Variants in ARHGEF10L observed in about 807,000 individuals in gnomAD.
The protein encoded by ARHGEF10L is Rho guanine nucleotide exchange factor 10 like, also known as rho guanine nucleotide exchange factor 10-like protein.
Under a neutral mutation model 141.2 loss-of-function variants are expected in ARHGEF10L, and 69 were observed. The observed-to-expected ratio is 0.49, with a 90% confidence interval of 0.40 to 0.60. The LOEUF (loss-of-function observed/expected upper bound fraction) is 0.60, where lower values mean the gene tolerates loss of function less well. ARHGEF10L is among the 20% of genes least tolerant of loss of function. The pLI, the probability that ARHGEF10L is intolerant of heterozygous loss-of-function variation, is 0.00. For synonymous variants in ARHGEF10L, 711 were observed against 718.5 expected (o/e 0.99, Z 0.17); for missense variants, 1,482 against 1,734.3 (o/e 0.85, Z 2.58).
intron 23 of ARHGEF10L, among the ~76,000 whole-genome samples, chr1:17,655,358 A>G (rs918510263): frequency 5.9e-5 from 9 of 151,708 alleles, no homozygotes; most frequent in Non-Finnish European, 1.2e-4. Flanking sequence ...CCATCCATTT[A>G]TTTATCTGTC....
At chr1:17,695,307 A>AAAGTTG (rs1378748370) in intron 28 of ARHGEF10L, 27 bp downstream of exon 28, 1 of 1,553,104 alleles carries the variant, frequency 6.4e-7, no homozygotes, top group African/African-American at 1.4e-5. Flanking sequence ...TGGTGTTGGC[A>AAAGTTG]GGACCAGGGG....
chr1:17,582,097 T>C (rs1051396841), intron 2 of ARHGEF10L, among the ~76,000 whole-genome samples: 3 of 152,080 alleles, frequency 2.0e-5, no homozygotes, highest in African/African-American at 7.2e-5. Flanking sequence ...GGGATGGGCC[T>C]CCTGAGTTTT....
At chr1:17,653,873 G>A (rs557350432) in intron 22 of ARHGEF10L, among the ~76,000 whole-genome samples, 3 of 152,336 alleles carry the variant, frequency 2.0e-5, no homozygotes, top group East Asian at 3.9e-4. Context: ...TAGGGCCCTC[G>A]CCCATGGCCA....
chr1:17,674,591 T>C lies in ARHGEF10L; in HGVS notation c.3009+9996T>C, dbSNP rs1317507088. Among the ~76,000 whole-genome samples, 5 of 152,188 alleles carry C rather than the reference T, an allele frequency of 3.3e-5. No homozygotes were observed. The East Asian group carries it at 9.6e-4, about 29-fold the overall frequency. On this transcript the variant is annotated intron_variant, in intron 26 of 28. Transcript: ENST00000361221. Reference sequence around the variant, plus strand: ...TGGGCCAGGCTCTCTGGAGGGCATTTAGCGGGAGGGCCCCTGAGAAGCGTG... The same window carrying C: ...TGGGCCAGGCTCTCTGGAGGGCATTCAGCGGGAGGGCCCCTGAGAAGCGTG...
At chr1:17,646,024 G>A (rs982683143) in intron 21 of ARHGEF10L, among the ~76,000 whole-genome samples, 1 of 152,192 alleles carries the variant, frequency 6.6e-6, no homozygotes, top group Non-Finnish European at 1.5e-5. Context: ...TGTTTCCAGG[G>A]CCCAGCAGGG....
In ARHGEF10L at chr1:17,654,891, G is replaced by A. The variant is rs1187050034; in HGVS notation, c.2481+169G>A. ...GGTGCCAGGCACTGCATTTGGAGTT[G>A]GGAGGTGCAACCTCATCTGGGGCAA... On this transcript the variant is annotated intron_variant, in intron 23 of 28. Transcript: ENST00000361221. This position sits in a 1 kb window ranked among gnomAD's most constrained non-coding sequence, Gnocchi z 4.3. 1.3e-5 allele frequency among the ~76,000 whole-genome samples: 2 copies of A among 152,190 alleles called. No homozygotes were observed. Among genetic ancestry groups the A allele is most frequent in the African/African-American group, 4.8e-5 (2 of 41,440 alleles).
intron 16 of ARHGEF10L, 38 bp from the exon 17 acceptor site, chr1:17,634,510 A>G (rs1557883930): frequency 6.2e-7 from 1 of 1,614,112 alleles, no homozygotes; most frequent in Non-Finnish European, 8.5e-7. Flanking sequence ...ACTCCATTGT[A>G]ATAACAATCT....
At position 17,623,939 on chromosome 1, in the gene ARHGEF10L, C is replaced by G. The variant is rs549556904; in HGVS notation, c.1201-448C>G. 3.9e-5 allele frequency among the ~76,000 whole-genome samples: 6 copies of G among 152,318 alleles called. No homozygotes were observed. The highest frequency in any genetic ancestry group is 1.4e-4 in the African/African-American group (6 of 41,572). ...GATTGACTCCAGGCCGACCATCCCT[C>G]CCTTGGTAACTCAACTCTGGGCACG... On this transcript the variant is annotated intron_variant, in intron 12 of 28. Transcript: ENST00000361221. This position sits in a 1 kb window ranked among gnomAD's most constrained non-coding sequence, Gnocchi z 4.7.
chr1:17,649,418 TAGG>T (rs2061783341), intron 22 of ARHGEF10L, among the ~76,000 whole-genome samples: 1 of 152,156 alleles, frequency 6.6e-6, no homozygotes, highest in African/African-American at 2.4e-5. Context: ...GCTCCAGGGA[TAGG>T]AGCACCAGTT....
the ARHGEF10L span, among the ~76,000 whole-genome samples, chr1:17,513,592 G>T: frequency 6.6e-6 from 1 of 152,178 alleles, no homozygotes; most frequent in African/African-American, 2.4e-5. Flanking sequence ...GGAGGGTAGA[G>T]AAAGGTTTTC....
At chr1:17,596,249 G>A (rs2080088916) in intron 4 of ARHGEF10L, among the ~76,000 whole-genome samples, 1 of 152,256 alleles carries the variant, frequency 6.6e-6, no homozygotes, top group Non-Finnish European at 1.5e-5. Flanking sequence ...TGTACAACCA[G>A]GTCAAGTGGC....
chr1:17,612,041 T>C (rs1264246827), intron 7 of ARHGEF10L, among the ~76,000 whole-genome samples: 1 of 151,976 alleles, frequency 6.6e-6, no homozygotes, highest in Non-Finnish European at 1.5e-5. Flanking sequence ...CATCCATTCT[T>C]CCATCCAGTT....
intron 27 of ARHGEF10L, among the ~76,000 whole-genome samples, chr1:17,693,036 T>G (rs890586093): frequency 6.6e-6 from 1 of 152,226 alleles, no homozygotes; most frequent in African/African-American, 2.4e-5. Context: ...CCACTGGCTC[T>G]GCCCTGTCGC....
chr1:17,651,329 G>C (rs114507852), intron 22 of ARHGEF10L, among the ~76,000 whole-genome samples: 6 of 152,210 alleles, frequency 3.9e-5, no homozygotes, highest in African/African-American at 1.2e-4. Flanking sequence ...TATGCCAGAT[G>C]GGGGGTTACC....
chr1:17,569,719 G>A (rs1477476864), intron 1 of ARHGEF10L, among the ~76,000 whole-genome samples: 3 of 152,154 alleles, frequency 2.0e-5, no homozygotes, highest in Non-Finnish European at 2.9e-5. Flanking sequence ...CTGAATAGAC[G>A]CCAGGGTCTC....
rs201989104 is a variant in ARHGEF10L, at chr1:17,607,832, C to T, written c.464C>T (p.Ala155Val). ...GAERNLLYED[A>V]HRAGAPRQAE... ...GAGAGGAACCTGCTCTACGAGGATG[C>T]GCACCGGGCTGGGGCCCCTCGGCAG... Residue 155 changes from alanine (A) to valine (V), a missense_variant, in exon 7 of 29, where the codon GCG (alanine) becomes GTG (valine). Physicochemically the swap from Ala to Val is moderately conservative, Grantham distance 64. Transcript: ENST00000361221. This position sits in a 1 kb window ranked among gnomAD's most constrained non-coding sequence, Gnocchi z 4.5. The T allele has an allele frequency of 2.8e-4, 443 of 1,591,704 alleles. No homozygotes were observed. Among genetic ancestry groups the T allele is most frequent in the Non-Finnish European group, 3.4e-4 (396 of 1,170,108 alleles).
chr1:17,642,293 G>A (rs2061369666), intron 21 of ARHGEF10L, among the ~76,000 whole-genome samples: 1 of 152,214 alleles, frequency 6.6e-6, no homozygotes, highest in South Asian at 2.1e-4. Context: ...AGTGATCCAG[G>A]TATGGGGATA....
In ARHGEF10L at chr1:17,621,058, CGGTGAT is replaced by C. The variant is rs1275546414; in HGVS notation, c.943-801_943-796del. 2.6e-5 allele frequency among the ~76,000 whole-genome samples: 4 copies of C among 151,898 alleles called. No homozygotes were observed. The highest frequency in any genetic ancestry group is 5.9e-5 in the Non-Finnish European group (4 of 67,982). On this transcript the variant is annotated intron_variant, in intron 10 of 28. Transcript: ENST00000361221. This position sits in a 1 kb window ranked among gnomAD's most constrained non-coding sequence, Gnocchi z 4.1. ...CGTGGGCCAGGCTTCTGGAGGGTTACGGTGATGGTGGAAGGGAAAGGAGAAGGGACT... is the reference window on the plus strand; with the variant it reads ...CGTGGGCCAGGCTTCTGGAGGGTTACGGTGGAAGGGAAAGGAGAAGGGACT...
intron 21 of ARHGEF10L, among the ~76,000 whole-genome samples, chr1:17,647,354 G>A (rs1320071287): frequency 1.3e-5 from 2 of 152,194 alleles, no homozygotes; most frequent in Non-Finnish European, 2.9e-5. Context: ...CTAAGCCAGG[G>A]CATAGACGGC....
Sources: gnomAD v4.1 joint callset for allele counts (sites outside exome capture counted in the v4.1 genomes callset) on GRCh38, gnomAD v4.1.1 for gene constraint, Gnocchi (gnomAD v3.1) non-coding constraint, MANE v1.5 for transcripts, NCBI Gene and HGNC (gene_info 2026-07-23, HGNC 2026-07-21) for gene names.